The following MIA2 variants were observed in gnomAD, a reference collection of about 807,000 sequenced individuals.
The protein encoded by MIA2 is MIA SH3 domain ER export factor 2.
Under a neutral mutation model 167.8 loss-of-function variants are expected in MIA2, and 127 were observed. That is an observed-to-expected ratio of 0.76 (90% confidence interval 0.66 to 0.88). The LOEUF (loss-of-function observed/expected upper bound fraction) is 0.88, where lower values mean the gene tolerates loss of function less well. Among genes scored for constraint, MIA2 ranks in the 40% least tolerant of loss-of-function variants. MIA2 has a pLI of 0.00. For missense variants in MIA2, 1,690 were observed against 1,624.7 expected, an observed-to-expected ratio of 1.04 and a Z score of -0.69; for synonymous variants, 552 against 541.9, an observed-to-expected ratio of 1.02 and a Z score of -0.26.
intron 9 of MIA2, among the ~76,000 whole-genome samples, chr14:39,286,758 A>G (rs1443364554): frequency 1.4e-5 from 2 of 147,470 alleles, no homozygotes; most frequent in African/African-American, 5.0e-5. Context: ...CAGCAGTGCA[A>G]TCTCAGCTCA....
intron 18 of MIA2, among the ~76,000 whole-genome samples, chr14:39,310,900 C>T (rs921099968): frequency 6.6e-6 from 1 of 152,150 alleles, no homozygotes; most frequent in African/African-American, 2.4e-5. Context: ...AGTATAACTT[C>T]AGGGTTTTTC....
chr14:39,264,300 T>C (rs1475517134), intron 6 of MIA2, among the ~76,000 whole-genome samples: 1 of 152,214 alleles, frequency 6.6e-6, no homozygotes, highest in African/African-American at 2.4e-5. Context: ...GGCTGCATAG[T>C]ATTCCATCGT....
At position 39,279,451 on chromosome 14, in the gene MIA2, C is replaced by A. The variant is rs1198250178; in HGVS notation, c.2044C>A (p.Arg682=). Residue 682 remains arginine, a splice_region_variant and synonymous_variant, in exon 9 of 29, where the codon CGA becomes AGA. Coordinates refer to ENST00000640607, the MANE Select transcript of MIA2 (RefSeq NM_001329214.4). ...RSVRSRLYVG[R]EKKLALMLSG... ...TAATATTGACTTGACTTTTTTAGGA[C>A]GAGAGAAAAAGCTTGCTCTAATGCT... 6.2e-7 allele frequency: 1 copy of A among 1,603,744 alleles called. No homozygotes were observed. Among genetic ancestry groups the A allele is most frequent in the Non-Finnish European group, 8.5e-7 (1 of 1,177,442 alleles).
chr14:39,266,681 G>A (rs1401438914), intron 6 of MIA2: 5 of 985,510 alleles, frequency 5.1e-6, no homozygotes, highest in Admixed American at 6.1e-5. Flanking sequence ...CCATTTTTCT[G>A]ACTGGAATGA....
chr14:39,319,335 CATAT>C, intron 23 of MIA2, 44 bp downstream of exon 23: 4 of 839,692 alleles, frequency 4.8e-6, no homozygotes, highest in South Asian at 2.1e-5. Context: ...ACATATTTTA[CATAT>C]ATATATATAT....
At chr14:39,240,779 C>A in intron 3 of MIA2, 132 bp downstream of exon 3, 1 of 565,096 alleles carries the variant, frequency 1.8e-6, no homozygotes, top group Non-Finnish European at 3.1e-6. Flanking sequence ...TGAGAACTTA[C>A]TCTAGGAATA....
Position 39,345,924 on chromosome 14 carries a change from G to C in MIA2, c.3676G>C (p.Ala1226Pro). 1 of 1,611,156 alleles carries C rather than the reference G, an allele frequency of 6.2e-7. No individual in the cohort carries two copies. ...PPPGQSYPDS[A>P]LPPQRQDRFC... Reference sequence around the variant, plus strand: ...TCTAGGACAATCATATCCTGATTCAGCCCTTCCTCCACAAAGGCAAGACAG... The same window carrying C: ...TCTAGGACAATCATATCCTGATTCACCCCTTCCTCCACAAAGGCAAGACAG... Residue 1226 changes from alanine to proline, a missense_variant, in exon 26 of 29, where the codon GCC becomes CCC. Transcript: ENST00000640607.
chr14:39,382,907 CTT>C (rs71130846), intron 23 of MIA2, among the ~76,000 whole-genome samples: 45,145 of 143,062 alleles, frequency 0.32, 7,233 homozygotes, highest in East Asian at 0.52. Context: ...ATTGGACACT[CTT>C]TACTAATTGA....
chr14:39,259,228 G>A (rs1034530360), intron 6 of MIA2, among the ~76,000 whole-genome samples: 1 of 152,216 alleles, frequency 6.6e-6, no homozygotes, highest in African/African-American at 2.4e-5. Flanking sequence ...TCTGTCCCAG[G>A]GAAATGGGGG....
At chr14:39,348,593 T>C in intron 27 of MIA2, 150 bp from the exon 28 acceptor site, 2 of 1,166,094 alleles carry the variant, frequency 1.7e-6, no homozygotes, top group East Asian at 2.4e-5. Context: ...GATACATTAC[T>C]GTGGAAAGCT....
At chr14:39,306,935 A>G (rs2063428115) in intron 17 of MIA2, among the ~76,000 whole-genome samples, 1 of 152,182 alleles carries the variant, frequency 6.6e-6, no homozygotes, top group Non-Finnish European at 1.5e-5. Flanking sequence ...TGATGCATAA[A>G]TTATAAAGCA....
intron 9 of MIA2, among the ~76,000 whole-genome samples, chr14:39,280,515 G>C (rs968029502): frequency 6.6e-6 from 1 of 152,002 alleles, no homozygotes; most frequent in Non-Finnish European, 1.5e-5. Context: ...GGCAAATCAC[G>C]AGGTCAGGAG....
intron 13 of MIA2, 113 bp downstream of exon 13, chr14:39,295,142 G>C (rs1014579637): frequency 1.4e-6 from 1 of 740,370 alleles, no homozygotes; most frequent in African/African-American, 1.8e-5. Flanking sequence ...TTGAGAGCAT[G>C]AGAGCAGGAC....
chr14:39,280,541 G>A (rs1244248124), intron 9 of MIA2, among the ~76,000 whole-genome samples: 1 of 151,976 alleles, frequency 6.6e-6, no homozygotes, highest in Non-Finnish European at 1.5e-5. Flanking sequence ...GACTATCCTG[G>A]CTAACATGGT....
chr14:39,307,677 A>G (rs1010471356), intron 17 of MIA2, among the ~76,000 whole-genome samples: 20 of 152,126 alleles, frequency 1.3e-4, no homozygotes, highest in African/African-American at 4.3e-4. Context: ...TGAGATGTAC[A>G]GGCGTGAGCC....
Position 39,313,558 on chromosome 14 carries a change from G to C in MIA2, c.3119+117G>C. 1.4e-5 allele frequency: 8 copies of C among 552,236 alleles called. No individual in the cohort carries two copies. In the South Asian group the frequency reaches 2.0e-4, roughly 14 times the overall value. The allele number at this position is 552,236 out of a possible 1,614,324, so 34.2% of individuals were successfully genotyped here. ...GAAAACATTTTAAAATCTGACAGGT[G>C]GTACAGACAAAAAAATAATATATTT... is the stretch of plus-strand genomic sequence containing the variant. On this transcript the variant is annotated intron_variant, in intron 19 of 28. Transcript: ENST00000640607.
chr14:39,366,844 C>T (rs1416566816), intron 23 of MIA2, among the ~76,000 whole-genome samples: 2 of 152,106 alleles, frequency 1.3e-5, no homozygotes, highest in Non-Finnish European at 1.5e-5. Context: ...TCAGTGCTCA[C>T]AGCTGCAGGT....
At chr14:39,257,182 G>A (rs566978249) in intron 6 of MIA2, among the ~76,000 whole-genome samples, 12 of 152,198 alleles carry the variant, frequency 7.9e-5, no homozygotes, top group Admixed American at 7.2e-4. Flanking sequence ...ATTGACAGTG[G>A]GGCATCAAAG....
At chr14:39,321,711 T>A (rs1566915508) in intron 24 of MIA2, among the ~76,000 whole-genome samples, 1 of 152,008 alleles carries the variant, frequency 6.6e-6, no homozygotes, top group African/African-American at 2.4e-5. Flanking sequence ...TGAAATATAA[T>A]AACAGTATAA....
Sources: allele counts gnomAD v4.1 joint callset (sites outside exome capture counted in the v4.1 genomes callset), GRCh38; gene constraint gnomAD v4.1.1; transcripts MANE v1.5; gene names NCBI Gene and HGNC (gene_info 2026-07-23, HGNC 2026-07-21).